MGAM: variants seen among roughly 807,000 people sequenced by gnomAD.
MGAM encodes maltase-glucoamylase.
MGAM carries 253 observed loss-of-function variants against 358.8 expected under a neutral mutation model. That is an observed-to-expected ratio of 0.71 (90% confidence interval 0.64 to 0.78). MGAM has a LOEUF of 0.78. MGAM is among the 30% of genes least tolerant of loss of function. MGAM has a pLI of 0.00. For synonymous variants in MGAM, 1,105 were observed against 1,227.1 expected (o/e 0.90, Z 2.08); for missense variants, 3,080 against 3,432.6 (o/e 0.90, Z 2.57).
chr7:142,099,647 C>G lies in MGAM; in HGVS notation c.7784C>G (p.Thr2595Ser), dbSNP rs753541014. 7 of 1,613,960 alleles carry G rather than the reference C, an allele frequency of 4.3e-6. No individual in the cohort carries two copies. The highest frequency in any genetic ancestry group is 1.7e-5 in the Admixed American group (1 of 60,016). ...VDINARGEWK[T>S]LPAPLDHINL... ...ATTAATGCAAGAGGAGAGTGGAAGA[C>G]CTTGCCAGCCCCTCTTGACCACATT... The change falls in exon 67 of 71, where the codon ACC becomes AGC. Residue 2595 changes from threonine to serine, a missense_variant. By Grantham distance (58) the Thr-to-Ser change is moderately conservative. Coordinates refer to ENST00000475668, the MANE Select transcript of MGAM (RefSeq NM_001365693.1).
rs555774297 is a variant in MGAM, at chr7:142,084,691, C to A, written c.6507+47C>A. On this transcript the variant is annotated intron_variant, in intron 54 of 70. Transcript: ENST00000475668. Reference sequence around the variant, plus strand: ...TGGAGTTTGAAAACTAACCCAGGTGCCTCTGTGTCTGGCTTCATTTGTCTA... The same window carrying A: ...TGGAGTTTGAAAACTAACCCAGGTGACTCTGTGTCTGGCTTCATTTGTCTA... 1,350 of 1,535,116 alleles carry A rather than the reference C, an allele frequency of 8.8e-4. 149 individuals carry two copies. The South Asian group carries it at 0.014, about 16-fold the overall frequency.
chr7:142,050,886 A>G (rs780127697), intron 24 of MGAM, 22 bp downstream of exon 24: 7 of 1,613,282 alleles, frequency 4.3e-6, no homozygotes, highest in Non-Finnish European at 5.9e-6. Context: ...TTTTGTTGAG[A>G]TGGTACATTG....
intron 14 of MGAM, 113 bp from the exon 15 acceptor site, chr7:142,034,149 C>T: frequency 1.5e-6 from 1 of 674,364 alleles, no homozygotes; most frequent in Non-Finnish European, 2.6e-6. Flanking sequence ...TGACTGTTTA[C>T]AGGATGCCCA....
At chr7:142,087,360 A>G (rs1157731410) in intron 57 of MGAM, among the ~76,000 whole-genome samples, 1 of 145,796 alleles carries the variant, frequency 6.9e-6, no homozygotes, top group Non-Finnish European at 1.6e-5. Flanking sequence ...ATTTTTTTCC[A>G]GATTCACTAA....
Position 142,087,521 on chromosome 7 carries a change from T to G in MGAM, c.6810+804T>G, listed in dbSNP as rs904694124. On this transcript the variant is annotated intron_variant, in intron 57 of 70. Coordinates refer to ENST00000475668, the MANE Select transcript of MGAM (RefSeq NM_001365693.1). ...CAGTACCCACAGGCAGGATTCTTAGTGCGGGTCCAAGGGCTTCCTGGAGAC... is the reference window on the plus strand; with the variant it reads ...CAGTACCCACAGGCAGGATTCTTAGGGCGGGTCCAAGGGCTTCCTGGAGAC... 5.5e-5 allele frequency among the ~76,000 whole-genome samples: 8 copies of G among 146,166 alleles called. 2 individuals are homozygous for G. The highest frequency in any genetic ancestry group is 1.4e-4 in the Admixed American group (2 of 14,520).
rs954337808 is a variant in MGAM at position 142,029,829 on chromosome 7, A to G, written c.1222-533A>G. On this transcript the variant is annotated intron_variant, in intron 10 of 70. Coordinates refer to ENST00000475668, the MANE Select transcript of MGAM (RefSeq NM_001365693.1). ...TCTCCCCCACTCTATTCCATTGGAG[A>G]CAAACCTAGGTTGTAGAGAAGGGTA... Among the ~76,000 whole-genome samples, 3 of 152,288 alleles carry G rather than the reference A, an allele frequency of 2.0e-5. No homozygotes were observed. In the South Asian group the frequency reaches 6.2e-4, roughly 32 times the overall value.
At chr7:141,993,799 T>C (rs868936521), upstream of MGAM, among the ~76,000 whole-genome samples, 50 of 152,342 alleles carry the variant, frequency 3.3e-4, no homozygotes, top group African/African-American at 1.2e-3. Context: ...TCTCAAGATA[T>C]TGTTTACGCT....
chr7:142,060,327 C>T lies in MGAM; in HGVS notation c.4076C>T (p.Pro1359Leu). The change falls in exon 34 of 71, where the codon CCT (proline) becomes CTT (leucine). Residue 1359 changes from proline to leucine, a missense_variant. Transcript: ENST00000475668. ...TCTCCATAGGTCTGGCCTGATTTTC[C>T]TGATGTTGTTGTGAATGGGTCTCTA... ...IVWGKVWPDFPDVVVNGSLDW... is the reference protein window; with the variant it reads ...IVWGKVWPDFLDVVVNGSLDW... 6.2e-7 allele frequency: 1 copy of T among 1,614,016 alleles called. No individual in the cohort carries two copies. The highest frequency in any genetic ancestry group is 8.5e-7 in the Non-Finnish European group (1 of 1,179,870).
intron 2 of MGAM, among the ~76,000 whole-genome samples, chr7:141,988,176 T>C (rs1554446589): frequency 2.0e-5 from 3 of 151,940 alleles, no homozygotes; most frequent in Admixed American, 1.3e-4. Context: ...TAATCCCAGC[T>C]ACTCAGGAGG....
At chr7:142,050,947 C>G (rs1367653961) in intron 24 of MGAM, 83 bp downstream of exon 24, 2 of 1,582,614 alleles carry the variant, frequency 1.3e-6, no homozygotes, top group Admixed American at 3.4e-5. Flanking sequence ...TTGCATGGGT[C>G]CCTGAAGGAC....
At position 142,038,537 on chromosome 7, in the gene MGAM, C is replaced by T. The variant is rs374644641; in HGVS notation, c.2238C>T (p.Tyr746=). Reference sequence around the variant, plus strand: ...CTGTCTCTCTGGTTTTCAGGTTCTACGAGGACAACAGCACTTGGGATGTGC... The same window carrying T: ...CTGTCTCTCTGGTTTTCAGGTTCTATGAGGACAACAGCACTTGGGATGTGC... ...TVARPLLHEF[Y]EDNSTWDVHQ... is the part of the protein sequence containing the mutation. Residue 746 remains tyrosine, a synonymous_variant, in exon 19 of 71, where the codon TAC becomes TAT. Coordinates refer to ENST00000475668, the MANE Select transcript of MGAM (RefSeq NM_001365693.1). The T allele has an allele frequency of 6.1e-5, 98 of 1,608,166 alleles. No homozygotes were observed. The highest frequency in any genetic ancestry group is 3.4e-4 in the East Asian group (15 of 44,576).
rs1470813187 is a variant in MGAM, at chr7:142,041,907, A to T, written c.2498+1061A>T. On this transcript the variant is annotated intron_variant, in intron 21 of 70. Transcript: ENST00000475668. The stretch of plus-strand genomic sequence containing the variant: ...ACGTATAATATATAATATATATATT[A>T]TATATATACGTATAATATATAATAT... 6.8e-3 allele frequency among the ~76,000 whole-genome samples: 129 copies of T among 19,014 alleles called. 5 individuals are homozygous for T. The highest frequency in any genetic ancestry group is 0.011 in the Admixed American group (10 of 946). The allele number at this position is 19,014 out of a possible 152,430, so 12.5% of individuals were successfully genotyped here.
rs1814288719 is a variant in MGAM at position 142,081,553 on chromosome 7, G to A, written c.6003-489G>A. 2.1e-5 allele frequency among the ~76,000 whole-genome samples: 3 copies of A among 145,970 alleles called. 1 individual carries two copies. Among genetic ancestry groups the A allele is most frequent in the Non-Finnish European group, 4.7e-5 (3 of 64,446 alleles). ...AGTCTAGTGTGGTTGGAGCAATGGA[G>A]GAAGTAAGCAGGTGAGTGCTGGGAG... On this transcript the variant is annotated intron_variant, in intron 50 of 70. Transcript: ENST00000475668.
chr7:142,015,251 C>T (rs1186790548), intron 3 of MGAM, among the ~76,000 whole-genome samples: 8 of 151,934 alleles, frequency 5.3e-5, no homozygotes, highest in African/African-American at 1.9e-4. Flanking sequence ...ACAGTCTTCC[C>T]GTTTGTTCAT....
At chr7:142,091,361 C>CTTT (rs1815370207) in intron 57 of MGAM, among the ~76,000 whole-genome samples, 1 of 146,302 alleles carries the variant, frequency 6.8e-6, no homozygotes, top group South Asian at 2.2e-4. Context: ...GAAATGTCCT[C>CTTT]TTTAAGTCCT....
At position 142,049,545 on chromosome 7, in the gene MGAM, C is replaced by G. The variant is rs115083202; in HGVS notation, c.2588-690C>G. On this transcript the variant is annotated intron_variant, in intron 22 of 70. Coordinates refer to ENST00000475668, the MANE Select transcript of MGAM (RefSeq NM_001365693.1). ...AGAATGGATAAAAATGTTTGCAAAC[C>G]ATGTATCTCAGAAGAGATTAATATA... Among the ~76,000 whole-genome samples, 1,256 of 152,134 alleles carry G rather than the reference C, an allele frequency of 8.3e-3. 12 individuals carry two copies. The highest frequency in any genetic ancestry group is 0.029 in the African/African-American group (1,215 of 41,506).
intron 8 of MGAM, among the ~76,000 whole-genome samples, chr7:142,026,337 G>A (rs1262967735): frequency 1.3e-5 from 2 of 152,182 alleles, no homozygotes; most frequent in Non-Finnish European, 2.9e-5. Flanking sequence ...AAGTCAGAGA[G>A]GAGAAACTTT....
At chr7:142,041,908 TA>T (rs1263826328) in intron 21 of MGAM, among the ~76,000 whole-genome samples, 8 of 19,056 alleles carry the variant, frequency 4.2e-4, no homozygotes, top group African/African-American at 8.0e-4. Flanking sequence ...ATATATATTA[TA>T]TATATACGTA....
At chr7:142,054,201 G>T (rs565832083) in intron 26 of MGAM, among the ~76,000 whole-genome samples, 2 of 152,188 alleles carry the variant, frequency 1.3e-5, no homozygotes, top group African/African-American at 4.8e-5. Context: ...CATCACCCAC[G>T]TGTTGTGAGC....
Sources: allele counts gnomAD v4.1 joint callset (sites outside exome capture counted in the v4.1 genomes callset), GRCh38; gene constraint gnomAD v4.1.1; transcripts MANE v1.5; gene names NCBI Gene and HGNC (gene_info 2026-07-23, HGNC 2026-07-21).